Variants in BICRAL observed in about 807,000 individuals in gnomAD.
The protein encoded by BICRAL is BRD4-interacting chromatin-remodeling complex-associated protein-like.
Under a neutral mutation model 91.8 loss-of-function variants are expected in BICRAL, and 8 were observed. The observed-to-expected ratio is 0.09, with a 90% CI of 0.05 to 0.16. The LOEUF (loss-of-function observed/expected upper bound fraction) is 0.16. BICRAL is among the 10% of genes least tolerant of loss of function. The probability of loss-of-function intolerance (pLI) is 1.00; values close to 1 mark genes in which losing one functional copy is unlikely to be tolerated. For missense variants in BICRAL, 1,038 were observed against 1,310.9 expected, an observed-to-expected ratio of 0.79 and a Z score of 3.21; for synonymous variants, 445 against 491.1, an observed-to-expected ratio of 0.91 and a Z score of 1.24.
chr6:42,761,055 A>T (rs1300701422), intron 1 of BICRAL, among the ~76,000 whole-genome samples: 2 of 152,198 alleles, frequency 1.3e-5, no homozygotes, highest in African/African-American at 4.8e-5. Flanking sequence ...CAAATAAAAA[A>T]AAAGGTACTT....
chr6:42,825,300 C>T lies in BICRAL; in HGVS notation c.159+2297C>T, dbSNP rs182399820. Among the ~76,000 whole-genome samples the T allele has an allele frequency of 1.2e-4, 17 of 139,744 alleles. No homozygotes were observed. The East Asian group carries it at 3.3e-3, about 27-fold the overall frequency. The allele number at this position is 139,744 out of a possible 152,430, so 91.7% of individuals were successfully genotyped here. On this transcript the variant is annotated intron_variant, in intron 5 of 12. Transcript: ENST00000314073. ...AAAAAATTGGCTGGGCGCGGTGGCT[C>T]ACGCCTGTAATCCCAGCACTTTGGG...
At chr6:42,807,176 T>TTA (rs1763732441) in intron 1 of BICRAL, among the ~76,000 whole-genome samples, 1 of 151,788 alleles carries the variant, frequency 6.6e-6, no homozygotes, top group Non-Finnish European at 1.5e-5. Flanking sequence ...ATTATTATTA[T>TTA]TTATTTATGT....
At chr6:42,747,687 G>GA (rs1042718928) in intron 1 of BICRAL, among the ~76,000 whole-genome samples, 1 of 152,204 alleles carries the variant, frequency 6.6e-6, no homozygotes, top group African/African-American at 2.4e-5. Context: ...GCACCCGATG[G>GA]AAAAGGGGGT....
chr6:42,773,147 C>T (rs1364821184), intron 1 of BICRAL, among the ~76,000 whole-genome samples: 5 of 151,200 alleles, frequency 3.3e-5, no homozygotes, highest in African/African-American at 7.3e-5. Flanking sequence ...GGCACGATCT[C>T]GGCTCACTGC....
chr6:42,779,810 G>A (rs541300459), upstream of BICRAL, among the ~76,000 whole-genome samples: 262 of 152,174 alleles, frequency 1.7e-3, 1 homozygote, highest in African/African-American at 5.7e-3. Flanking sequence ...TGGTAGAGAC[G>A]GGGTTTCACC....
At chr6:42,849,178 C>T (rs980106201) in intron 6 of BICRAL, among the ~76,000 whole-genome samples, 6 of 152,160 alleles carry the variant, frequency 3.9e-5, no homozygotes. Context: ...CCTCAACCTC[C>T]TGGGCTCAAG....
At chr6:42,794,794 C>CAAAA (rs1207429482) in intron 1 of BICRAL, among the ~76,000 whole-genome samples, 26 of 95,210 alleles carry the variant, frequency 2.7e-4, no homozygotes, top group African/African-American at 1.1e-3. Context: ...ACTAAAAATA[C>CAAAA]AAAAAAAAAA....
intron 1 of BICRAL, among the ~76,000 whole-genome samples, chr6:42,782,389 T>C (rs1762940090): frequency 7.2e-6 from 1 of 138,088 alleles, no homozygotes; most frequent in South Asian, 2.4e-4. Flanking sequence ...GGTGGGTGGA[T>C]GTTTAATGGA....
chr6:42,771,064 CCTT>C (rs935082493), intron 1 of BICRAL, among the ~76,000 whole-genome samples: 9 of 152,216 alleles, frequency 5.9e-5, no homozygotes, highest in African/African-American at 1.4e-4. Flanking sequence ...CTGGGTCCCT[CCTT>C]CTCTCCTAGC....
At chr6:42,832,486 A>G (rs901868083) in intron 6 of BICRAL, among the ~76,000 whole-genome samples, 28 of 149,726 alleles carry the variant, frequency 1.9e-4, no homozygotes, top group Non-Finnish European at 3.3e-4. Context: ...CCTTTGACTT[A>G]CTAATTTCAC....
chr6:42,762,488 A>G (rs1036672185), intron 1 of BICRAL, among the ~76,000 whole-genome samples: 3 of 152,356 alleles, frequency 2.0e-5, no homozygotes, highest in Admixed American at 1.3e-4. Flanking sequence ...CTTTACAGAT[A>G]AGGGCATGTA....
intron 6 of BICRAL, among the ~76,000 whole-genome samples, chr6:42,849,596 C>T (rs946172670): frequency 3.3e-5 from 5 of 151,912 alleles, no homozygotes; most frequent in Admixed American, 6.6e-5. Context: ...CCCACCACCA[C>T]GCCCAGCTAA....
rs561935291 is a variant in BICRAL at position 42,766,909 on chromosome 6, A to G, written c.-260-14930A>G. Among the ~76,000 whole-genome samples the G allele has an allele frequency of 2.8e-4, 42 of 152,238 alleles. 1 individual carries two copies. The highest frequency in any genetic ancestry group is 2.3e-3 in the East Asian group (12 of 5,184). Reference sequence around the variant, plus strand: ...CAAAAAATTAGCCGGGCGTGGTGGCAGGCGTCTGTAGTCCCAGCTACTCGC... The same window carrying G: ...CAAAAAATTAGCCGGGCGTGGTGGCGGGCGTCTGTAGTCCCAGCTACTCGC... On this transcript the variant is annotated intron_variant, in intron 1 of 14. Coordinates refer to the BICRAL transcript ENST00000614467.
At chr6:42,839,203 G>T (rs1764719632) in intron 6 of BICRAL, among the ~76,000 whole-genome samples, 1 of 151,910 alleles carries the variant, frequency 6.6e-6, no homozygotes, top group Non-Finnish European at 1.5e-5. Context: ...GTGAGACTCT[G>T]TCTCCAAAAA....
chr6:42,754,415 G>A (rs1404117087), intron 1 of BICRAL, among the ~76,000 whole-genome samples: 5 of 148,686 alleles, frequency 3.4e-5, no homozygotes, highest in East Asian at 2.1e-4. Context: ...CTTGTGATCC[G>A]CCCATCTCGG....
At chr6:42,757,013 AG>A (rs1346101903) in intron 1 of BICRAL, among the ~76,000 whole-genome samples, 2 of 144,878 alleles carry the variant, frequency 1.4e-5, no homozygotes, top group Non-Finnish European at 3.0e-5. Context: ...CTGGCTTCCA[AG>A]GGGGCAAAAG....
intron 1 of BICRAL, among the ~76,000 whole-genome samples, chr6:42,756,947 T>G (rs1223563640): frequency 9.0e-6 from 1 of 111,096 alleles, no homozygotes; most frequent in Non-Finnish European, 1.7e-5. Flanking sequence ...CCTCTCTCCC[T>G]CTCTCTTTGA....
intron 1 of BICRAL, among the ~76,000 whole-genome samples, chr6:42,755,325 G>A (rs1450674307): frequency 1.3e-5 from 2 of 152,194 alleles, no homozygotes; most frequent in South Asian, 2.1e-4. Flanking sequence ...AAAAGCTCAT[G>A]TGAAGAGCCT....
chr6:42,836,963 G>A (rs540349738), intron 6 of BICRAL, among the ~76,000 whole-genome samples: 34 of 135,498 alleles, frequency 2.5e-4, no homozygotes, highest in Non-Finnish European at 4.8e-4. Context: ...TTTTTTTTTT[G>A]AGATGGAGTC....
Sources: gnomAD v4.1 joint callset for allele counts (sites outside exome capture counted in the v4.1 genomes callset) on GRCh38, gnomAD v4.1.1 for gene constraint, MANE v1.5 for transcripts, NCBI Gene and HGNC (gene_info 2026-07-23, HGNC 2026-07-21) for gene names.